Variants in B3GALNT2 observed in about 807,000 individuals in gnomAD.
B3GALNT2 encodes beta-1,3-N-acetylgalactosaminyltransferase 2.
Under a neutral mutation model 61.1 loss-of-function variants are expected in B3GALNT2, and 53 were observed. The observed-to-expected ratio is 0.87, with a 90% CI of 0.70 to 1.09. B3GALNT2 has a LOEUF of 1.09. Among genes scored for constraint, B3GALNT2 ranks in the 50% least tolerant of loss-of-function variants. B3GALNT2 has a pLI of 0.00. For synonymous variants in B3GALNT2, 223 were observed against 237.4 expected, an observed-to-expected ratio of 0.94 and a Z score of 0.56; for missense variants, 544 against 623.0, an observed-to-expected ratio of 0.87 and a Z score of 1.35.
At chr1:235,482,109 C>T (rs1030858464) in intron 4 of B3GALNT2, among the ~76,000 whole-genome samples, 2 of 152,126 alleles carry the variant, frequency 1.3e-5, no homozygotes, top group Admixed American at 6.6e-5. Context: ...ACCAATTCTC[C>T]TATAGATAGT....
In B3GALNT2 at chr1:235,504,152, GC is replaced by G; in HGVS notation, c.100del (p.Ala34ProfsTer21). On this transcript the variant is annotated frameshift_variant, in exon 1 of 12. Transcript: ENST00000366600. LOFTEE classifies it high-confidence loss of function. ...CCCCAGGACCTCACCTGCAGGGCCGGCCCCGGAGGCGCAGGCGGGCGGCGGG... is the reference window on the plus strand; with the variant it reads ...CCCCAGGACCTCACCTGCAGGGCCGGCCCGGAGGCGCAGGCGGGCGGCGGG... ...RSPPPACASG[A>X]GPADQLALFP... 1.6e-6 allele frequency: 2 copies of G among 1,285,994 alleles called. No individual in the cohort carries two copies. Among genetic ancestry groups the G allele is most frequent in the South Asian group, 2.5e-5 (1 of 39,606 alleles). 79.7% of individuals were successfully genotyped at this position (1,285,994 alleles called of 1,614,324 possible).
At chr1:235,462,237 A>G (rs906930680) in intron 7 of B3GALNT2, among the ~76,000 whole-genome samples, 2 of 152,260 alleles carry the variant, frequency 1.3e-5, no homozygotes, top group Non-Finnish European at 2.9e-5. Flanking sequence ...GAAATTAAAT[A>G]CAAGCCTTTT....
At chr1:235,504,007 C>CTCTTT in intron 1 of B3GALNT2, 134 bp downstream of exon 1, 3 of 977,414 alleles carry the variant, frequency 3.1e-6, no homozygotes, top group Non-Finnish European at 3.9e-6. Flanking sequence ...TGAAAAGAGC[C>CTCTTT]GTTTGTTTCG....
At chr1:235,460,549 T>C (rs1683372756) in intron 7 of B3GALNT2, among the ~76,000 whole-genome samples, 1 of 151,738 alleles carries the variant, frequency 6.6e-6, no homozygotes, top group Admixed American at 6.6e-5. Flanking sequence ...TTCTGTACTA[T>C]TTCTGGTGTA....
At chr1:235,463,559 CTAATT>C (rs1036201934) in intron 7 of B3GALNT2, 3 of 147,708 alleles carry the variant, frequency 2.0e-5, no homozygotes, top group Non-Finnish European at 4.5e-5. Context: ...TTCACATTTC[CTAATT>C]TCTTTTTTTT....
rs962461243 is a variant in B3GALNT2, at chr1:235,504,189, G to A, written c.64C>T (p.Arg22Trp). 90 of 1,335,064 alleles carry A rather than the reference G, an allele frequency of 6.7e-5. No homozygotes were observed. The highest frequency in any genetic ancestry group is 7.8e-5 in the Non-Finnish European group (82 of 1,045,878). 82.7% of individuals were successfully genotyped at this position (1,335,064 alleles called of 1,614,324 possible). ...VLGAALHLWL[R>W]LRSPPPACAS... ...CAGGCGGGCGGCGGGGAGCGCAGCCGCAGCCAGAGGTGCAGCGCGGCCCCG... is the reference window on the plus strand; with the variant it reads ...CAGGCGGGCGGCGGGGAGCGCAGCCACAGCCAGAGGTGCAGCGCGGCCCCG... Residue 22 changes from arginine (R) to tryptophan (W), a missense_variant, in exon 1 of 12, where the codon CGG becomes TGG. By Grantham distance (101) the Arg-to-Trp change is moderately radical (BLOSUM62 -3). Coordinates refer to ENST00000366600, the MANE Select transcript of B3GALNT2 (RefSeq NM_152490.5).
chr1:235,467,831 G>T (rs1381148080), intron 6 of B3GALNT2, among the ~76,000 whole-genome samples: 1 of 151,422 alleles, frequency 6.6e-6, no homozygotes, highest in Non-Finnish European at 1.5e-5. Context: ...CCAGGCTGGA[G>T]TGCAATGGCG....
intron 5 of B3GALNT2, among the ~76,000 whole-genome samples, chr1:235,474,679 G>A (rs1684154255): frequency 6.6e-6 from 1 of 151,716 alleles, no homozygotes; most frequent in Admixed American, 6.6e-5. Flanking sequence ...AAATTAGCCA[G>A]GTGTGGTGGC....
chr1:235,498,504 T>C (rs1020823716), intron 1 of B3GALNT2, among the ~76,000 whole-genome samples: 2 of 152,252 alleles, frequency 1.3e-5, no homozygotes, highest in Non-Finnish European at 2.9e-5. Flanking sequence ...TGTAACTAAA[T>C]GATGGTACTT....
At chr1:235,489,393 T>C (rs1253143353) in intron 2 of B3GALNT2, 125 bp from the exon 3 acceptor site, 1 of 1,423,410 alleles carries the variant, frequency 7.0e-7, no homozygotes, top group East Asian at 2.5e-5. Flanking sequence ...TTCTCTACCT[T>C]TATTCTTCTA....
In B3GALNT2 at chr1:235,458,623, T is replaced by C; in HGVS notation, c.1005A>G (p.Lys335=). The stretch of plus-strand genomic sequence containing the variant: ...CCTACCATCTATAGAAGTTCAATAA[T>C]TTTGCAGGAACATTACGATAAGTGT... The part of the protein sequence containing the change: ...VVDTYRNVPA[K]LLNFYRWTVE... Residue 335 remains lysine (K), a synonymous_variant, in exon 8 of 12, where the codon AAA becomes AAG. Coordinates refer to ENST00000366600, the MANE Select transcript of B3GALNT2 (RefSeq NM_152490.5). 6.2e-7 allele frequency: 1 copy of C among 1,605,854 alleles called. No homozygotes were observed. The highest frequency in any genetic ancestry group is 8.5e-7 in the Non-Finnish European group (1 of 1,177,624).
At chr1:235,482,029 T>C (rs1684584890) in intron 4 of B3GALNT2, among the ~76,000 whole-genome samples, 1 of 152,214 alleles carries the variant, frequency 6.6e-6, no homozygotes, top group Admixed American at 6.5e-5. Context: ...TATTCATTGC[T>C]AATAATCAAC....
At chr1:235,480,296 CA>C in intron 4 of B3GALNT2, 147 bp from the exon 5 acceptor site, 2 of 1,267,834 alleles carry the variant, frequency 1.6e-6, no homozygotes, top group Non-Finnish European at 2.1e-6. Context: ...GTGGTTTTGG[CA>C]TCACTGGGTT....
At position 235,449,092 on chromosome 1, in the gene B3GALNT2, T is replaced by C; in HGVS notation, c.*1114A>G. ...AAAATCTGAACACAGTTAATATCTG[T>C]CATAAGACTAGTTTTAATGGAATTC... On this transcript the variant is annotated 3_prime_UTR_variant, in exon 12 of 12. Transcript: ENST00000366600. 1 of 305,318 alleles carries C rather than the reference T, an allele frequency of 3.3e-6. No homozygotes were observed. Among genetic ancestry groups the C allele is most frequent in the Non-Finnish European group, 6.3e-6 (1 of 158,226 alleles). 18.9% of individuals were successfully genotyped at this position (305,318 alleles called of 1,614,324 possible).
chr1:235,464,397 C>T (rs1187093876), intron 7 of B3GALNT2: 1 of 151,634 alleles, frequency 6.6e-6, no homozygotes, highest in Non-Finnish European at 1.5e-5. Flanking sequence ...ACAAATGACT[C>T]TCTCTCCCCT....
downstream of B3GALNT2, among the ~76,000 whole-genome samples, chr1:235,444,338 TAGAC>T (rs757689142): frequency 1.3e-4 from 20 of 152,324 alleles, no homozygotes; most frequent in East Asian, 5.8e-4. Flanking sequence ...TTTTCAAACT[TAGAC>T]AGACAGTAAA....
intron 5 of B3GALNT2, among the ~76,000 whole-genome samples, chr1:235,476,897 T>C (rs1572524483): frequency 6.6e-6 from 1 of 150,502 alleles, no homozygotes; most frequent in African/African-American, 2.4e-5. Context: ...TGGTGGCAGG[T>C]GCCTGTAGTC....
chr1:235,442,017 T>G, the B3GALNT2 span: 4 of 766,196 alleles, frequency 5.2e-6, no homozygotes, highest in Non-Finnish European at 8.3e-6. Context: ...AATTTTTTTT[T>G]TTTTTTTTGA....
chr1:235,504,037 G>T, intron 1 of B3GALNT2, 104 bp downstream of exon 1: 4 of 1,128,174 alleles, frequency 3.5e-6, no homozygotes, highest in Non-Finnish European at 2.2e-6. Context: ...CGTCGCGTTT[G>T]GCCCTTCCCC....
Sources: allele counts gnomAD v4.1 joint callset (sites outside exome capture counted in the v4.1 genomes callset), GRCh38; gene constraint gnomAD v4.1.1; transcripts MANE v1.5; gene names NCBI Gene and HGNC (gene_info 2026-07-23, HGNC 2026-07-21).